The following BANK1 variants were observed in gnomAD, a reference collection of about 807,000 sequenced individuals.
The protein encoded by BANK1 is B-cell scaffold protein with ankyrin repeats.
In BANK1, 95 loss-of-function variants were observed where a neutral mutation model predicts 94.5. That is an observed-to-expected ratio of 1.00 (90% CI 0.85 to 1.19). The LOEUF is 1.19. BANK1 is among the 50% of genes most tolerant of loss of function. The pLI is 0.00. For missense variants in BANK1, 987 were observed against 932.2 expected (o/e 1.06, Z -0.77); for synonymous variants, 334 against 308.4 (o/e 1.08, Z -0.87).
intron 6 of BANK1, among the ~76,000 whole-genome samples, chr4:101,917,287 C>T (rs371476122): frequency 3.3e-5 from 5 of 151,972 alleles, no homozygotes; most frequent in African/African-American, 1.2e-4. Flanking sequence ...AATAACAAAC[C>T]ATCATTCATT....
At chr4:101,843,586 G>T (rs1356195269) in intron 2 of BANK1, among the ~76,000 whole-genome samples, 1 of 152,138 alleles carries the variant, frequency 6.6e-6, no homozygotes, top group African/African-American at 2.4e-5. Context: ...CATATTTTCT[G>T]TGTCTAGTAT....
chr4:101,846,325 A>G (rs1727245185), intron 2 of BANK1, among the ~76,000 whole-genome samples: 1 of 152,192 alleles, frequency 6.6e-6, no homozygotes, highest in Non-Finnish European at 1.5e-5. Context: ...TATTGCAAGG[A>G]TATGTTGTTT....
chr4:101,842,801 TC>T (rs1397020322), intron 2 of BANK1, among the ~76,000 whole-genome samples: 1 of 152,208 alleles, frequency 6.6e-6, no homozygotes, highest in Non-Finnish European at 1.5e-5. Flanking sequence ...ATTTTCCCTT[TC>T]CTCATCACCT....
intron 7 of BANK1, among the ~76,000 whole-genome samples, chr4:101,920,351 C>T (rs1250579608): frequency 6.6e-6 from 1 of 151,708 alleles, no homozygotes. Context: ...GCACATGTAC[C>T]CTAGAACTTA....
At chr4:101,810,651 A>G (rs555513492) in intron 1 of BANK1, among the ~76,000 whole-genome samples, 54 of 152,312 alleles carry the variant, frequency 3.5e-4, no homozygotes, top group South Asian at 8.3e-4. Flanking sequence ...GTTTATTTAC[A>G]ATCAGTGGTT....
At chr4:101,851,321 A>T (rs1196579036) in intron 2 of BANK1, among the ~76,000 whole-genome samples, 2 of 152,190 alleles carry the variant, frequency 1.3e-5, no homozygotes, top group African/African-American at 4.8e-5. Context: ...TGGTAGATAG[A>T]ATAAAGTACT....
chr4:101,961,272 G>A (rs1474807842), intron 7 of BANK1, among the ~76,000 whole-genome samples: 1 of 152,158 alleles, frequency 6.6e-6, no homozygotes, highest in Non-Finnish European at 1.5e-5. Context: ...ATAAAATGGT[G>A]ACAGTGACAT....
intron 8 of BANK1, among the ~76,000 whole-genome samples, chr4:102,023,755 T>C (rs1169633742): frequency 1.3e-5 from 2 of 152,238 alleles, no homozygotes; most frequent in African/African-American, 2.4e-5. Context: ...ACTGAATATA[T>C]AAGCAGAAGT....
At chr4:101,874,942 A>G (rs1190704465) in intron 5 of BANK1, among the ~76,000 whole-genome samples, 1 of 152,232 alleles carries the variant, frequency 6.6e-6, no homozygotes, top group Non-Finnish European at 1.5e-5. Context: ...GTGAAAACTT[A>G]TAGAACAGGA....
intron 12 of BANK1, among the ~76,000 whole-genome samples, chr4:102,060,809 C>T (rs1449313712): frequency 6.6e-6 from 1 of 152,150 alleles, no homozygotes; most frequent in Non-Finnish European, 1.5e-5. Context: ...TATCTTCTTT[C>T]TCCTTAAACA....
chr4:101,889,568 G>A (rs1217890121), intron 5 of BANK1, among the ~76,000 whole-genome samples: 1 of 124,480 alleles, frequency 8.0e-6, no homozygotes, highest in Admixed American at 1.0e-4. Flanking sequence ...ACTGCAGTCC[G>A]CAGTCCGGCC....
intron 2 of BANK1, among the ~76,000 whole-genome samples, chr4:101,834,704 AT>A (rs1726760035): frequency 6.6e-6 from 1 of 152,144 alleles, no homozygotes; most frequent in Non-Finnish European, 1.5e-5. Context: ...TCCCTTTTCT[AT>A]TTTTCCTCAT....
At chr4:102,005,051 T>C (rs1726207840) in intron 7 of BANK1, among the ~76,000 whole-genome samples, 1 of 152,098 alleles carries the variant, frequency 6.6e-6, no homozygotes, top group African/African-American at 2.4e-5. Flanking sequence ...AATTACACAA[T>C]GTTTCTGTGG....
intron 11 of BANK1, among the ~76,000 whole-genome samples, chr4:102,044,980 G>T (rs1727830863): frequency 6.8e-6 from 1 of 147,222 alleles, no homozygotes; most frequent in African/African-American, 2.5e-5. Flanking sequence ...CATTTTGTAG[G>T]TTGCCTGTTC....
chr4:101,817,667 G>A (rs191772830), intron 1 of BANK1, among the ~76,000 whole-genome samples: 1 of 151,378 alleles, frequency 6.6e-6, no homozygotes, highest in East Asian at 1.9e-4. Context: ...TGCACATCTC[G>A]CACACGTGCC....
chr4:101,927,813 T>C (rs1723213906), intron 7 of BANK1, among the ~76,000 whole-genome samples: 1 of 151,614 alleles, frequency 6.6e-6, no homozygotes, highest in South Asian at 2.1e-4. Flanking sequence ...ACACGTTAAA[T>C]TTGAAATGCC....
At chr4:101,811,707 G>A (rs1725736126) in intron 1 of BANK1, among the ~76,000 whole-genome samples, 1 of 151,956 alleles carries the variant, frequency 6.6e-6, no homozygotes. Context: ...AGATCTTTTT[G>A]ATTTGTAAAT....
chr4:101,893,561 G>A (rs1031332102), intron 5 of BANK1, among the ~76,000 whole-genome samples: 3 of 151,918 alleles, frequency 2.0e-5, no homozygotes, highest in African/African-American at 7.2e-5. Flanking sequence ...TCATCAGTTT[G>A]TATCACTAAA....
rs1321656642 is a variant in BANK1 at position 101,823,285 on chromosome 4, C to A, written c.71-6523C>A. 3.9e-5 allele frequency among the ~76,000 whole-genome samples: 6 copies of A among 152,114 alleles called. No individual in the cohort carries two copies. In the East Asian group the frequency reaches 1.2e-3, roughly 29 times the overall value. On this transcript the variant is annotated intron_variant, in intron 1 of 16. Coordinates refer to ENST00000322953, the MANE Select transcript of BANK1 (RefSeq NM_017935.5). ...TTTTCAAAAAATTTTCTTTTAATTC[C>A]CATTCCAATGTATATAAATCATGTA...
Sources: allele counts gnomAD v4.1 joint callset (sites outside exome capture counted in the v4.1 genomes callset), GRCh38; gene constraint gnomAD v4.1.1; transcripts MANE v1.5; gene names NCBI Gene and HGNC (gene_info 2026-07-23, HGNC 2026-07-21).